SNW1: variants seen among roughly 807,000 people sequenced by gnomAD.
The protein encoded by SNW1 is SNW domain containing 1, also known as SNW domain-containing protein 1.
SNW1 carries 9 observed loss-of-function variants against 75.6 expected under a neutral mutation model. The ratio of observed to expected loss-of-function variants is 0.12; its 90% confidence interval spans 0.07 to 0.21. The LOEUF is 0.21. Among genes scored for constraint, SNW1 ranks in the 10% least tolerant of loss-of-function variants. The pLI, the probability that SNW1 is intolerant of heterozygous loss-of-function variation, is 1.00. For synonymous variants in SNW1, 200 were observed against 219.1 expected (o/e 0.91, Z 0.77); for missense variants, 409 against 670.9 (o/e 0.61, Z 4.31).
At chr14:77,733,134 A>ATG (rs1339207007) in intron 8 of SNW1, among the ~76,000 whole-genome samples, 2 of 152,212 alleles carry the variant, frequency 1.3e-5, no homozygotes, top group East Asian at 3.9e-4. Flanking sequence ...AACTCTATAA[A>ATG]GCTTCTAACA....
In SNW1 at chr14:77,755,111, A is replaced by T. The variant is rs1277811354; in HGVS notation, c.24T>A (p.Pro8=). 5 of 1,612,160 alleles carry T rather than the reference A, an allele frequency of 3.1e-6. No homozygotes were observed. Among genetic ancestry groups the T allele is most frequent in the Non-Finnish European group, 8.5e-7 (1 of 1,179,732 alleles). The change falls in exon 2 of 14, where the codon CCT becomes CCA. Residue 8 remains proline, a synonymous_variant. Transcript: ENST00000261531. MALTSFL[P]APTQLSQDQL... ...GGTCCTGAGATAGCTGAGTAGGTGCAGGTAAAAAGCTATAAGCAAAGATAA... is the reference window on the plus strand; with the variant it reads ...GGTCCTGAGATAGCTGAGTAGGTGCTGGTAAAAAGCTATAAGCAAAGATAA...
chr14:77,753,770 G>T (rs1046435904), intron 2 of SNW1, among the ~76,000 whole-genome samples: 1 of 151,782 alleles, frequency 6.6e-6, no homozygotes, highest in South Asian at 2.1e-4. Context: ...TAGCAAACAT[G>T]GTGAAACCCT....
rs2080508014 is a variant in SNW1, at chr14:77,718,428, T to G, written c.1351A>C (p.Ser451Arg). 2 of 1,614,016 alleles carry G rather than the reference T, an allele frequency of 1.2e-6. No homozygotes were observed. The highest frequency in any genetic ancestry group is 3.3e-5 in the Admixed American group (2 of 59,996). ...TACATGTCCTTGTCCAGATTTTTAC[T>G]GGGCCTATAAATACTCTGGGCCATA... is the stretch of plus-strand genomic sequence containing the variant. ...KDMAQSIYRPSKNLDKDMYGD... is the reference protein window; with the variant it reads ...KDMAQSIYRPRKNLDKDMYGD... The change falls in exon 13 of 14, where the codon AGT (serine) becomes CGT (arginine). Residue 451 changes from serine to arginine, a missense_variant. This residue lies in a region of SNW1 where 126 missense variants were observed against 167.6 expected (regional missense o/e 0.75). Coordinates refer to ENST00000261531, the MANE Select transcript of SNW1 (RefSeq NM_012245.3).
intron 1 of SNW1, among the ~76,000 whole-genome samples, chr14:77,755,671 C>T (rs2080837720): frequency 6.6e-6 from 1 of 151,836 alleles, no homozygotes; most frequent in African/African-American, 2.4e-5. Flanking sequence ...CTGACCTTGG[C>T]CTCCCAAAGT....
At chr14:77,735,510 C>T (rs1286704866) in intron 7 of SNW1, among the ~76,000 whole-genome samples, 5 of 152,138 alleles carry the variant, frequency 3.3e-5, no homozygotes, top group African/African-American at 1.2e-4. Flanking sequence ...CTTGAACTCC[C>T]GACTTCAGGT....
rs116413821 is a variant in SNW1, at chr14:77,737,307, C to T, written c.534-232G>A. Among the ~76,000 whole-genome samples, 1,128 of 152,100 alleles carry T rather than the reference C, an allele frequency of 7.4e-3. 11 individuals carry two copies. Among genetic ancestry groups the T allele is most frequent in the African/African-American group, 0.026 (1,082 of 41,490 alleles). On this transcript the variant is annotated intron_variant, in intron 5 of 13. Coordinates refer to ENST00000261531, the MANE Select transcript of SNW1 (RefSeq NM_012245.3). ...TGGTATTAGTTTGCAAATAACCCAT[C>T]CTCATATGTTTTCCAACATGGAAGG...
chr14:77,745,663 C>T (rs1034378450), intron 3 of SNW1, among the ~76,000 whole-genome samples: 5 of 152,086 alleles, frequency 3.3e-5, no homozygotes, highest in African/African-American at 1.2e-4. Context: ...GCTGAGATTG[C>T]CCTACTGCAC....
Position 77,717,697 on chromosome 14 carries a change from T to G in SNW1, c.*391A>C. The G allele has an allele frequency of 1.3e-6, 1 of 748,408 alleles. No homozygotes were observed. The highest frequency in any genetic ancestry group is 1.8e-5 in the South Asian group (1 of 55,904). The allele number at this position is 748,408 out of a possible 1,614,324, so 46.4% of individuals were successfully genotyped here. On this transcript the variant is annotated 3_prime_UTR_variant, in exon 14 of 14. Transcript: ENST00000261531. ...AACAGAGCACAATAGGGGCAAAATT[T>G]ATTTGGCAGGACAGTTCCAGTATGT...
chr14:77,756,490 A>G (rs2080843433), intron 1 of SNW1, among the ~76,000 whole-genome samples: 2 of 152,254 alleles, frequency 1.3e-5, no homozygotes, highest in Non-Finnish European at 2.9e-5. Context: ...CAGTGTAAAT[A>G]CAAAAGAACT....
chr14:77,733,982 A>G (rs1177623072), intron 8 of SNW1: 5 of 438,254 alleles, frequency 1.1e-5, no homozygotes, highest in Non-Finnish European at 1.8e-5. Context: ...CCAGCTCAAG[A>G]TACCATCCAG....
At chr14:77,745,867 T>C (rs1343906180) in intron 3 of SNW1, among the ~76,000 whole-genome samples, 4 of 151,186 alleles carry the variant, frequency 2.6e-5, no homozygotes, top group Non-Finnish European at 5.9e-5. Context: ...CTACAAAAAA[T>C]ACAAAAATTA....
intron 11 of SNW1, among the ~76,000 whole-genome samples, chr14:77,721,904 C>T (rs1279377032): frequency 2.6e-5 from 4 of 152,114 alleles, no homozygotes; most frequent in African/African-American, 9.7e-5. Context: ...TGTGCCACCA[C>T]ACCCAGCTAA....
At chr14:77,719,085 T>C (rs176961) in intron 12 of SNW1, among the ~76,000 whole-genome samples, 80,585 of 151,874 alleles carry the variant, frequency 0.53, 21,616 homozygotes, top group East Asian at 0.68. Context: ...AGCTAATTTT[T>C]TGTAGACAGG....
Position 77,723,280 on chromosome 14 carries a change from G to A in SNW1, c.1034-3C>T. 6.2e-7 allele frequency: 1 copy of A among 1,609,324 alleles called. No individual in the cohort carries two copies. The highest frequency in any genetic ancestry group is 8.5e-7 in the Non-Finnish European group (1 of 1,175,776). On this transcript the variant is annotated splice_polypyrimidine_tract_variant and splice_region_variant and intron_variant, in intron 10 of 13. Transcript: ENST00000261531. ...CCTCTCACGTGCCTCCCCATCCTCT[G>A]TGTGAACAGTTGAAAAGTACTTCAC... is the stretch of plus-strand genomic sequence containing the variant.
intron 12 of SNW1, among the ~76,000 whole-genome samples, chr14:77,719,386 C>A (rs2080519083): frequency 6.6e-6 from 1 of 151,910 alleles, no homozygotes; most frequent in Non-Finnish European, 1.5e-5. Context: ...GCCTGTAATC[C>A]CAGCACTTTG....
chr14:77,750,562 G>A (rs2080799443), intron 3 of SNW1, among the ~76,000 whole-genome samples: 1 of 152,118 alleles, frequency 6.6e-6, no homozygotes, highest in Non-Finnish European at 1.5e-5. Flanking sequence ...AAGTTTGGCG[G>A]GGAGAGAGAG....
chr14:77,720,333 C>T (rs1353927796), intron 12 of SNW1, among the ~76,000 whole-genome samples: 1 of 152,144 alleles, frequency 6.6e-6, no homozygotes, highest in East Asian at 1.9e-4. Context: ...TGGGGTTTCA[C>T]CATGTTGGCC....
chr14:77,735,859 G>A (rs1239478226), intron 7 of SNW1, 78 bp downstream of exon 7: 3 of 1,030,778 alleles, frequency 2.9e-6, no homozygotes, highest in Non-Finnish European at 4.4e-6. Flanking sequence ...ACATGCACCT[G>A]TATAGGCATA....
chr14:77,722,787 A>C (rs1220478146), intron 11 of SNW1: 1 of 404,336 alleles, frequency 2.5e-6, no homozygotes, highest in Non-Finnish European at 4.8e-6. Context: ...AGTGGACTAA[A>C]ACTCTGCTCT....
Sources: gnomAD v4.1 joint callset for allele counts (sites outside exome capture counted in the v4.1 genomes callset) on GRCh38, gnomAD v4.1.1 for gene constraint, gnomAD v4.1.1 regional missense constraint, MANE v1.5 for transcripts, NCBI Gene and HGNC (gene_info 2026-07-23, HGNC 2026-07-21) for gene names.